Variants in CUX1 observed in about 807,000 individuals in gnomAD.
CUX1 encodes the protein cut like homeobox 1, also known as protein CASP.
A neutral mutation model predicts 158.8 loss-of-function variants in CUX1; 31 were observed. The observed-to-expected ratio is 0.20, with a 90% confidence interval of 0.15 to 0.26. CUX1 has a LOEUF of 0.26. Among genes scored for constraint, CUX1 ranks in the 10% least tolerant of loss-of-function variants. The pLI, the probability that CUX1 is intolerant of heterozygous loss-of-function variation, is 1.00. For missense variants in CUX1, 1,589 were observed against 2,014.6 expected (o/e 0.79, Z 4.04); for synonymous variants, 879 against 862.1 (o/e 1.02, Z -0.34).
intron 1 of CUX1, chr7:101,818,900 A>G (rs1163556049): frequency 6.6e-6 from 1 of 152,054 alleles, no homozygotes; most frequent in Non-Finnish European, 1.5e-5. Flanking sequence ...TTATACTGAG[A>G]TTGGGTTGCC....
chr7:102,177,959 C>G (rs1047472504), intron 10 of CUX1, among the ~76,000 whole-genome samples: 3 of 152,130 alleles, frequency 2.0e-5, no homozygotes, highest in Non-Finnish European at 4.4e-5. Context: ...GTGGTACAAT[C>G]TCAGCTCAGC....
intron 14 of CUX1, among the ~76,000 whole-genome samples, chr7:102,263,314 CTT>C (rs71123026): frequency 3.4e-5 from 3 of 89,526 alleles, no homozygotes; most frequent in Admixed American, 1.6e-4. Context: ...CACACCTAGC[CTT>C]TTTTTTTTTT....
intron 14 of CUX1, among the ~76,000 whole-genome samples, chr7:102,265,621 G>A (rs1218427777): frequency 3.3e-5 from 5 of 151,850 alleles, no homozygotes; most frequent in African/African-American, 9.7e-5. Flanking sequence ...TTTTTGTAGC[G>A]ACAGTCTGGC....
intron 20 of CUX1, among the ~76,000 whole-genome samples, chr7:102,217,716 C>T (rs1178431199): frequency 1.3e-5 from 2 of 148,438 alleles, no homozygotes; most frequent in Non-Finnish European, 3.0e-5. Context: ...GAGGGAGGAT[C>T]TGGATGGACG....
At chr7:102,087,806 TATA>T (rs1355747606) in intron 4 of CUX1, among the ~76,000 whole-genome samples, 1 of 152,180 alleles carries the variant, frequency 6.6e-6, no homozygotes, top group African/African-American at 2.4e-5. Context: ...AAAATGAAAT[TATA>T]ATATTTTATT....
At chr7:102,162,754 G>A (rs1268768346) in intron 9 of CUX1, among the ~76,000 whole-genome samples, 4 of 152,116 alleles carry the variant, frequency 2.6e-5, no homozygotes, top group Admixed American at 1.3e-4. Context: ...GGGCTCAAAC[G>A]ATCCACCCAC....
At chr7:101,970,025 A>T (rs1266102152) in intron 2 of CUX1, among the ~76,000 whole-genome samples, 1 of 144,804 alleles carries the variant, frequency 6.9e-6, no homozygotes, top group Non-Finnish European at 1.5e-5. Flanking sequence ...CTTGTAGTTT[A>T]CATGTCATAA....
In CUX1 at chr7:102,097,496, A is replaced by G; in HGVS notation, c.401A>G (p.Asn134Ser). The change falls in exon 5 of 24, where the codon AAT (asparagine) becomes AGT (serine). Residue 134 changes from asparagine (N) to serine (S), a missense_variant. By Grantham distance (46) the Asn-to-Ser change is conservative. Coordinates refer to ENST00000292535, the MANE Select transcript of CUX1 (RefSeq NM_181552.4). ...EYNKEFAEVK[N>S]QEVTIKALKE... ...AACAAGGAATTTGCTGAAGTGAAAA[A>G]TCAAGGTTGGTGGAAAATGCGTTCT... is the stretch of plus-strand genomic sequence containing the variant. The G allele has an allele frequency of 6.3e-7, 1 of 1,591,868 alleles. No homozygotes were observed. Among genetic ancestry groups the G allele is most frequent in the Non-Finnish European group, 8.5e-7 (1 of 1,174,584 alleles).
At chr7:101,934,935 G>C (rs577122624) in intron 2 of CUX1, among the ~76,000 whole-genome samples, 1 of 152,236 alleles carries the variant, frequency 6.6e-6, no homozygotes, top group East Asian at 1.9e-4. Flanking sequence ...ATTGCCCGGG[G>C]TGAGGAGCAG....
chr7:101,858,558 G>A (rs1245424330), intron 1 of CUX1, among the ~76,000 whole-genome samples: 2 of 151,920 alleles, frequency 1.3e-5, no homozygotes, highest in Non-Finnish European at 2.9e-5. Flanking sequence ...TTTGTTCTTA[G>A]CACCCACAAC....
chr7:102,152,948 T>G (rs1554503992), intron 8 of CUX1, among the ~76,000 whole-genome samples: 1 of 152,222 alleles, frequency 6.6e-6, no homozygotes, highest in East Asian at 1.9e-4. Flanking sequence ...GTTATCACAT[T>G]CAGTATTTTG....
chr7:102,169,392 A>G (rs1053894438), intron 9 of CUX1, among the ~76,000 whole-genome samples: 3 of 152,184 alleles, frequency 2.0e-5, no homozygotes, highest in African/African-American at 7.2e-5. Context: ...TTCTGATTGA[A>G]TGTTTCTAGC....
intron 2 of CUX1, among the ~76,000 whole-genome samples, chr7:101,981,697 G>A (rs549663230): frequency 2.0e-5 from 3 of 151,308 alleles, no homozygotes; most frequent in South Asian, 2.1e-4. Context: ...TGCAACCTCC[G>A]CCTCCCTGGT....
intron 2 of CUX1, among the ~76,000 whole-genome samples, chr7:102,008,392 A>C: frequency 6.7e-6 from 1 of 148,876 alleles, no homozygotes. Flanking sequence ...GGCAAATATC[A>C]CCCAATTCAG....
At chr7:101,894,227 TA>T (rs540203431) in intron 1 of CUX1, among the ~76,000 whole-genome samples, 5 of 152,276 alleles carry the variant, frequency 3.3e-5, no homozygotes, top group Non-Finnish European at 5.9e-5. Context: ...GGGACTATTA[TA>T]ATTCCTCAGA....
chr7:101,923,938 T>A (rs1805279595), intron 2 of CUX1, among the ~76,000 whole-genome samples: 1 of 152,234 alleles, frequency 6.6e-6, no homozygotes, highest in African/African-American at 2.4e-5. Flanking sequence ...CTGATTTCTG[T>A]GTTCCCGGGT....
intron 1 of CUX1, among the ~76,000 whole-genome samples, chr7:101,870,630 G>T (rs1436805120): frequency 2.0e-5 from 3 of 152,144 alleles, no homozygotes; most frequent in African/African-American, 7.2e-5. Context: ...ACTCTTCTCA[G>T]ATTATTTCTT....
At chr7:101,826,833 C>A (rs1793357496) in intron 1 of CUX1, among the ~76,000 whole-genome samples, 1 of 152,182 alleles carries the variant, frequency 6.6e-6, no homozygotes, top group South Asian at 2.1e-4. Context: ...CCCTGATTAT[C>A]CCTTGGGTAC....
At chr7:102,145,260 C>G (rs1221412023) in intron 8 of CUX1, among the ~76,000 whole-genome samples, 1 of 151,870 alleles carries the variant, frequency 6.6e-6, no homozygotes, top group East Asian at 1.9e-4. Flanking sequence ...AGAAAAGATT[C>G]TCCACCCCAC....
Sources: allele counts gnomAD v4.1 joint callset (sites outside exome capture counted in the v4.1 genomes callset), GRCh38; gene constraint gnomAD v4.1.1; transcripts MANE v1.5; gene names NCBI Gene and HGNC (gene_info 2026-07-23, HGNC 2026-07-21).